The following FAM228A variants were observed in gnomAD, a reference collection of about 807,000 sequenced individuals.
FAM228A encodes protein FAM228A.
Under a neutral mutation model 18.6 loss-of-function variants are expected in FAM228A, and 13 were observed. That is an observed-to-expected ratio of 0.70 (90% CI 0.45 to 1.11). The LOEUF (loss-of-function observed/expected upper bound fraction) is 1.11. Ranked by LOEUF, FAM228A falls within the 50% of genes least tolerant of loss-of-function variation. FAM228A has a pLI of 0.00. For synonymous variants in FAM228A, 77 were observed against 86.6 expected, an observed-to-expected ratio of 0.89 and a Z score of 0.61; for missense variants, 240 against 242.2, an observed-to-expected ratio of 0.99 and a Z score of 0.06.
In FAM228A at chr2:24,190,422, C is replaced by A; in HGVS notation, c.412C>A (p.Leu138Ile). The A allele has an allele frequency of 6.2e-7, 1 of 1,608,974 alleles. No homozygotes were observed. The highest frequency in any genetic ancestry group is 8.5e-7 in the Non-Finnish European group (1 of 1,178,522). Reference protein sequence around the residue: ...SKTYKYSPEKLIYADKKQKRK... With the variant: ...SKTYKYSPEKIIYADKKQKRK... The stretch of plus-strand genomic sequence containing the variant: ...TGCTTTTCTTCACAGTCCTGAAAAG[C>A]TCATCTATGCAGACAAGAAACAGAA... The change falls in exon 6 of 6, where the codon CTC becomes ATC. Residue 138 changes from leucine to isoleucine, a missense_variant. Transcript: ENST00000295150.
intron 2 of FAM228A, among the ~76,000 whole-genome samples, chr2:24,177,311 G>A (rs1667714712): frequency 6.6e-6 from 1 of 152,110 alleles, no homozygotes; most frequent in African/African-American, 2.4e-5. Context: ...GTGGTGTCAT[G>A]TGCCTGTAAT....
At chr2:24,186,501 C>T (rs1003446689) in intron 5 of FAM228A, among the ~76,000 whole-genome samples, 1 of 151,854 alleles carries the variant, frequency 6.6e-6, no homozygotes, top group African/African-American at 2.4e-5. Context: ...TTTTAGATTT[C>T]CATTAGTAAG....
chr2:24,188,411 C>T (rs927395270), intron 5 of FAM228A: 58 of 985,156 alleles, frequency 5.9e-5, no homozygotes, highest in Non-Finnish European at 6.1e-5. Context: ...CTCCCCACCC[C>T]TCCTTGATTC....
At chr2:24,187,679 A>G (rs1035218848) in intron 5 of FAM228A, among the ~76,000 whole-genome samples, 33 of 152,204 alleles carry the variant, frequency 2.2e-4, no homozygotes, top group African/African-American at 7.5e-4. Flanking sequence ...TTGGAATCAT[A>G]CAACATTTAG....
intron 5 of FAM228A, among the ~76,000 whole-genome samples, chr2:24,185,103 G>A (rs1333920180): frequency 2.0e-5 from 3 of 152,136 alleles, no homozygotes; most frequent in African/African-American, 7.2e-5. Context: ...GATTACAGGT[G>A]TGAGCCACCG....
At chr2:24,189,017 AT>A (rs1668019197) in intron 5 of FAM228A, among the ~76,000 whole-genome samples, 1 of 152,106 alleles carries the variant, frequency 6.6e-6, no homozygotes, top group Non-Finnish European at 1.5e-5. Flanking sequence ...TTTAACAAAC[AT>A]TTTTATTTAA....
chr2:24,189,259 A>G (rs1668027422), intron 5 of FAM228A, among the ~76,000 whole-genome samples: 2 of 152,126 alleles, frequency 1.3e-5, no homozygotes, highest in South Asian at 4.1e-4. Flanking sequence ...GGCCCTCAAC[A>G]TGGCACATGA....
At chr2:24,183,051 T>C (rs1558403825) in intron 3 of FAM228A, among the ~76,000 whole-genome samples, 2 of 152,148 alleles carry the variant, frequency 1.3e-5, no homozygotes. Context: ...ACAGGTTTGT[T>C]ACACGGGTAT....
chr2:24,190,689 C>A lies in FAM228A; in HGVS notation c.*58C>A. 1 of 1,485,300 alleles carries A rather than the reference C, an allele frequency of 6.7e-7. No individual in the cohort carries two copies. The allele number at this position is 1,485,300 out of a possible 1,614,324, so 92.0% of individuals were successfully genotyped here. On this transcript the variant is annotated 3_prime_UTR_variant, in exon 6 of 6. Coordinates refer to ENST00000295150, the MANE Select transcript of FAM228A (RefSeq NM_001040710.3). ...ACCCAAGGGCGGAGGAGGCATGGCC[C>A]AAGAAGAAGGGTGTGAAGAGGAGGA...
chr2:24,188,151 G>C (rs1667996977), intron 5 of FAM228A, among the ~76,000 whole-genome samples: 1 of 151,854 alleles, frequency 6.6e-6, no homozygotes, highest in East Asian at 1.9e-4. Context: ...TTCCATGTTT[G>C]GTTCCAGATA....
chr2:24,179,563 G>C (rs1402120347), intron 3 of FAM228A, among the ~76,000 whole-genome samples: 1 of 152,190 alleles, frequency 6.6e-6, no homozygotes, highest in African/African-American at 2.4e-5. Flanking sequence ...AAGAAATTAA[G>C]AGGTAGGTGG....
intron 5 of FAM228A, among the ~76,000 whole-genome samples, chr2:24,185,537 CTG>C (rs1028057904): frequency 2.6e-5 from 4 of 152,192 alleles, no homozygotes; most frequent in Admixed American, 6.5e-5. Context: ...TGCATTGAAT[CTG>C]TAGATCAATT....
At chr2:24,181,450 T>A (rs1667813491) in intron 3 of FAM228A, among the ~76,000 whole-genome samples, 1 of 152,228 alleles carries the variant, frequency 6.6e-6, no homozygotes, top group African/African-American at 2.4e-5. Flanking sequence ...AATGGTGTGA[T>A]CTTGGCTTAC....
chr2:24,181,582 C>T (rs935136623), intron 3 of FAM228A, among the ~76,000 whole-genome samples: 1 of 152,068 alleles, frequency 6.6e-6, no homozygotes, highest in African/African-American at 2.4e-5. Context: ...GATGGGGTTT[C>T]GCCATGTTGG....
chr2:24,176,113 C>A (rs1409635867), intron 2 of FAM228A: 1 of 985,158 alleles, frequency 1.0e-6, no homozygotes, highest in Non-Finnish European at 1.2e-6. Flanking sequence ...GAAGAGCCAT[C>A]AAAGACAAAA....
At chr2:24,185,064 C>A (rs1667912608) in intron 5 of FAM228A, among the ~76,000 whole-genome samples, 1 of 152,152 alleles carries the variant, frequency 6.6e-6, no homozygotes, top group South Asian at 2.1e-4. Flanking sequence ...CTCAGGTGAT[C>A]CACCTGCCTT....
At chr2:24,180,151 TC>T (rs11296130) in intron 3 of FAM228A, among the ~76,000 whole-genome samples, 189 of 152,126 alleles carry the variant, frequency 1.2e-3, no homozygotes, top group African/African-American at 4.3e-3. Context: ...CCCCCACATA[TC>T]TAGTAGATAT....
In FAM228A at chr2:24,190,922, C is replaced by G; in HGVS notation, c.*291C>G. The G allele has an allele frequency of 9.0e-7, 1 of 1,114,538 alleles. No individual in the cohort carries two copies. Among genetic ancestry groups the G allele is most frequent in the Non-Finnish European group, 1.1e-6 (1 of 912,842 alleles). 69.0% of individuals were successfully genotyped at this position (1,114,538 alleles called of 1,614,324 possible). On this transcript the variant is annotated 3_prime_UTR_variant, in exon 6 of 6. Coordinates refer to ENST00000295150, the MANE Select transcript of FAM228A (RefSeq NM_001040710.3). ...ATTTCTTCAGCGCCTTCGCCCGGGC[C>G]TTTGCCCTTCTGCCACTTTCCTACC...
chr2:24,187,355 C>T (rs1036368815), intron 5 of FAM228A, among the ~76,000 whole-genome samples: 3 of 152,200 alleles, frequency 2.0e-5, no homozygotes, highest in Non-Finnish European at 4.4e-5. Context: ...TTCTCGTACA[C>T]CTCCTGTCCC....
Sources: gnomAD v4.1 joint callset for allele counts (sites outside exome capture counted in the v4.1 genomes callset) on GRCh38, gnomAD v4.1.1 for gene constraint, MANE v1.5 for transcripts, NCBI Gene and HGNC (gene_info 2026-07-23, HGNC 2026-07-21) for gene names.